Variants in GBE1 observed in about 807,000 individuals in gnomAD.
GBE1 encodes the protein 1,4-alpha-glucan-branching enzyme.
In GBE1, 70 loss-of-function variants were observed where a neutral mutation model predicts 88.8. That is an observed-to-expected ratio of 0.79 (90% CI 0.65 to 0.96). The LOEUF (loss-of-function observed/expected upper bound fraction) is 0.96, where lower values mean the gene tolerates loss of function less well. Ranked by LOEUF, GBE1 falls within the 40% of genes least tolerant of loss-of-function variation. The pLI is 0.00. For synonymous variants in GBE1, 284 were observed against 300.1 expected (o/e 0.95, Z 0.56); for missense variants, 872 against 871.0 (o/e 1.00, Z -0.01).
intron 14 of GBE1, among the ~76,000 whole-genome samples, chr3:81,506,122 C>CAACCT (rs1702650673): frequency 6.6e-6 from 1 of 152,054 alleles, no homozygotes; most frequent in Non-Finnish European, 1.5e-5. Flanking sequence ...GGTAAATGGA[C>CAACCT]AACCTACAGA....
At chr3:81,515,014 A>G (rs547907990) in intron 14 of GBE1, among the ~76,000 whole-genome samples, 1 of 151,588 alleles carries the variant, frequency 6.6e-6, no homozygotes, top group African/African-American at 2.4e-5. Flanking sequence ...AGAAAAAAAA[A>G]CATATATTTT....
intron 12 of GBE1, among the ~76,000 whole-genome samples, chr3:81,548,174 G>T (rs1217081191): frequency 6.6e-6 from 1 of 151,242 alleles, no homozygotes; most frequent in African/African-American, 2.4e-5. Flanking sequence ...ACCGGAATTT[G>T]GCTCAAAACA....
chr3:81,609,558 GTT>G (rs974866538), intron 7 of GBE1, among the ~76,000 whole-genome samples: 5 of 150,308 alleles, frequency 3.3e-5, no homozygotes, highest in Non-Finnish European at 7.4e-5. Flanking sequence ...GATTTTGGGG[GTT>G]TTTTTTTGGT....
chr3:81,743,665 ACAGCAGT>A, intron 1 of GBE1: 2 of 1,329,720 alleles, frequency 1.5e-6, no homozygotes, highest in Non-Finnish European at 2.1e-6. Flanking sequence ...ATTAAAGCAG[ACAGCAGT>A]CACCTGATCT....
chr3:81,510,022 TG>T (rs1283632940), intron 14 of GBE1, among the ~76,000 whole-genome samples: 1 of 152,128 alleles, frequency 6.6e-6, no homozygotes, highest in Non-Finnish European at 1.5e-5. Flanking sequence ...AATTCTTAGT[TG>T]ACATGGATAC....
chr3:81,529,686 T>C (rs180793681), intron 14 of GBE1, among the ~76,000 whole-genome samples: 6 of 152,144 alleles, frequency 3.9e-5, no homozygotes, highest in East Asian at 3.9e-4. Context: ...GCTAGATGTA[T>C]TGGAGCTCCT....
intron 14 of GBE1, among the ~76,000 whole-genome samples, chr3:81,525,874 G>A (rs746271655): frequency 5.3e-5 from 8 of 151,974 alleles, no homozygotes; most frequent in Non-Finnish European, 1.2e-4. Flanking sequence ...GGTTGGTGGT[G>A]ATATCCCCTT....
At chr3:81,741,860 T>A (rs925698711) in intron 1 of GBE1, among the ~76,000 whole-genome samples, 1 of 147,724 alleles carries the variant, frequency 6.8e-6, no homozygotes, top group African/African-American at 2.5e-5. Flanking sequence ...TATAGTTTTT[T>A]ATATATAATA....
chr3:81,516,891 A>C (rs1702805385), intron 14 of GBE1, among the ~76,000 whole-genome samples: 2 of 151,630 alleles, frequency 1.3e-5, no homozygotes, highest in African/African-American at 4.8e-5. Flanking sequence ...CAGTCTCGTG[A>C]TAAAACTTTA....
rs1205836854 is a variant in GBE1, at chr3:81,733,292, G to A, written c.144-27679C>T. Among the ~76,000 whole-genome samples, 1 of 151,882 alleles carries A rather than the reference G, an allele frequency of 6.6e-6. No individual in the cohort carries two copies. Among genetic ancestry groups the A allele is most frequent in the African/African-American group, 2.4e-5 (1 of 41,334 alleles). On this transcript the variant is annotated intron_variant, in intron 1 of 15. Coordinates refer to ENST00000429644, the MANE Select transcript of GBE1 (RefSeq NM_000158.4). The surrounding 1 kb of genome is among the most constrained non-coding windows in gnomAD (Gnocchi z 4.0). ...CACTGTCTCCCATCACCCCCAGACA[G>A]GATCATCTAGTTGCAGGAAAACAAG...
At chr3:81,736,022 C>T (rs1169611178) in intron 1 of GBE1, among the ~76,000 whole-genome samples, 1 of 152,070 alleles carries the variant, frequency 6.6e-6, no homozygotes, top group Admixed American at 6.6e-5. Flanking sequence ...TCCATGAAGC[C>T]AAAGCACTGC....
intron 7 of GBE1, chr3:81,613,147 T>TC: frequency 3.3e-6 from 1 of 299,448 alleles, no homozygotes; most frequent in Non-Finnish European, 6.0e-6. Context: ...CAAGCTGCAG[T>TC]CTTTTTTTTT....
chr3:81,514,543 T>C (rs539220583), intron 14 of GBE1, among the ~76,000 whole-genome samples: 3 of 151,714 alleles, frequency 2.0e-5, no homozygotes, highest in Admixed American at 2.0e-4. Flanking sequence ...AGATGGTTCT[T>C]ATGCATGATT....
At chr3:81,723,871 G>A (rs978972491) in intron 1 of GBE1, among the ~76,000 whole-genome samples, 8 of 152,210 alleles carry the variant, frequency 5.3e-5, no homozygotes, top group African/African-American at 9.6e-5. Flanking sequence ...TCCTGCTCAC[G>A]GCCAGTATGC....
Position 81,586,283 on chromosome 3 carries a change from G to T in GBE1, c.1237-93C>A, listed in dbSNP as rs1452043064. The stretch of plus-strand genomic sequence containing the variant: ...TCAATAAATGAAAACAATAATAGGG[G>T]AATATATTTTTGGGCTGCTTTGGTA... On this transcript the variant is annotated intron_variant, in intron 9 of 15. Coordinates refer to ENST00000429644, the MANE Select transcript of GBE1 (RefSeq NM_000158.4). 15 of 760,822 alleles carry T rather than the reference G, an allele frequency of 2.0e-5. No homozygotes were observed. In the East Asian group the frequency reaches 3.5e-4, roughly 18 times the overall value. 47.1% of individuals were successfully genotyped at this position (760,822 alleles called of 1,614,324 possible). A position where few individuals can be genotyped will look rare whatever the true frequency, so the allele number is the denominator to read the frequency against.
chr3:81,734,437 G>A (rs1706229348), intron 1 of GBE1, among the ~76,000 whole-genome samples: 1 of 152,092 alleles, frequency 6.6e-6, no homozygotes, highest in African/African-American at 2.4e-5. Context: ...AGACTCAATA[G>A]TGTTGAATCA....
In GBE1 at chr3:81,586,078, A is replaced by T; in HGVS notation, c.1335+14T>A. ...GTATTCACAGAAACAAAAAATATTT[A>T]CATGGACTCTTACCTGAATCCACTT... is the stretch of plus-strand genomic sequence containing the variant. On this transcript the variant is annotated intron_variant, in intron 10 of 15. Coordinates refer to ENST00000429644, the MANE Select transcript of GBE1 (RefSeq NM_000158.4). The T allele has an allele frequency of 6.6e-7, 1 of 1,518,064 alleles. No individual in the cohort carries two copies. Among genetic ancestry groups the T allele is most frequent in the Non-Finnish European group, 9.1e-7 (1 of 1,101,918 alleles). The allele number at this position is 1,518,064 out of a possible 1,614,324, so 94.0% of individuals were successfully genotyped here.
intron 12 of GBE1, among the ~76,000 whole-genome samples, chr3:81,574,702 T>C (rs1437732929): frequency 1.3e-5 from 2 of 152,328 alleles, no homozygotes; most frequent in East Asian, 3.9e-4. Context: ...CATGTCCCTA[T>C]ATGTCTCTGA....
intron 14 of GBE1, among the ~76,000 whole-genome samples, chr3:81,528,369 T>C (rs1284415241): frequency 6.6e-6 from 1 of 151,906 alleles, no homozygotes; most frequent in African/African-American, 2.4e-5. Flanking sequence ...AAACTTAAAG[T>C]ATAATTTTAA....
Sources: gnomAD v4.1 joint callset for allele counts (sites outside exome capture counted in the v4.1 genomes callset) on GRCh38, gnomAD v4.1.1 for gene constraint, Gnocchi (gnomAD v3.1) non-coding constraint, MANE v1.5 for transcripts, NCBI Gene and HGNC (gene_info 2026-07-23, HGNC 2026-07-21) for gene names.